TNS2: variants seen among roughly 807,000 people sequenced by gnomAD.
TNS2 encodes the protein tensin-2.
In TNS2, 77 loss-of-function variants were observed where a neutral mutation model predicts 155.7. The observed-to-expected ratio is 0.49, with a 90% CI of 0.41 to 0.60. The LOEUF (loss-of-function observed/expected upper bound fraction) is 0.60, where lower values mean the gene tolerates loss of function less well. Among genes scored for constraint, TNS2 ranks in the 20% least tolerant of loss-of-function variants. TNS2 has a pLI of 0.00. For synonymous variants in TNS2, 726 were observed against 763.9 expected (o/e 0.95, Z 0.82); for missense variants, 1,703 against 1,868.8 (o/e 0.91, Z 1.64).
rs752904754 is a variant in TNS2, at chr12:53,058,499, AGGCAGGTGG to A, written c.1225+55_1225+63del. On this transcript the variant is annotated intron_variant, in intron 15 of 28. Transcript: ENST00000314250. ...GGAGTCCAGGTGGCAGGCAGGTGGC[AGGCAGGTGG>A]CAGGCAGGCAGGAGAGTGTGGTATG... The A allele has an allele frequency of 3.0e-5, 49 of 1,610,948 alleles. No homozygotes were observed. In the South Asian group the frequency reaches 5.4e-4, roughly 18 times the overall value.
chr12:53,061,554 C>G (rs1944386377), intron 21 of TNS2, 85 bp downstream of exon 21: 2 of 1,468,430 alleles, frequency 1.4e-6, no homozygotes, highest in Admixed American at 3.5e-5. Context: ...TGTTGAAGCT[C>G]TTGGCTCCTC....
chr12:53,049,999 C>T (rs1384981785), upstream of TNS2: 9 of 1,399,964 alleles, frequency 6.4e-6, no homozygotes, highest in East Asian at 1.3e-4. Flanking sequence ...CCTGGAGCAG[C>T]GACCTGCCCC....
upstream of TNS2, among the ~76,000 whole-genome samples, chr12:53,047,289 C>T (rs1943755302): frequency 6.9e-6 from 1 of 145,658 alleles, no homozygotes; most frequent in Non-Finnish European, 1.5e-5. Flanking sequence ...TCGGCGCGGG[C>T]ACGGGCGGGA....
chr12:53,062,836 G>A (rs576945959), intron 25 of TNS2, 139 bp downstream of exon 25: 38 of 1,093,952 alleles, frequency 3.5e-5, no homozygotes, highest in Middle Eastern at 2.0e-4. Context: ...CCATACTGTC[G>A]GGGATGAGGA....
In TNS2 at chr12:53,053,459, C is replaced by T; in HGVS notation, c.261+10C>T. 3 of 1,613,924 alleles carry T rather than the reference C, an allele frequency of 1.9e-6. No homozygotes were observed. Among genetic ancestry groups the T allele is most frequent in the Non-Finnish European group, 2.5e-6 (3 of 1,179,914 alleles). On this transcript the variant is annotated intron_variant, in intron 4 of 28. Coordinates refer to ENST00000314250, the MANE Select transcript of TNS2 (RefSeq NM_170754.4). Reference sequence around the variant, plus strand: ...GCCTCCCGTGGAGTTGGTGAGTGCGCTCTGGGATGGGGTGGGGAGGGCAAG... The same window carrying T: ...GCCTCCCGTGGAGTTGGTGAGTGCGTTCTGGGATGGGGTGGGGAGGGCAAG...
chr12:53,059,500 G>A lies in TNS2; in HGVS notation c.1859G>A (p.Arg620Gln), dbSNP rs559767672. The change falls in exon 18 of 29, where the codon CGA (arginine) becomes CAA (glutamine). Residue 620 changes from arginine to glutamine, a missense_variant. Transcript: ENST00000314250. The surrounding 1 kb of genome is among the most constrained non-coding windows in gnomAD (Gnocchi z 4.7). ...YRPEGTLERR[R>Q]LAYGGYEGSP... ...CCAGAGGGAACCCTGGAGAGGAGGC[G>A]ACTGGCCTACGGGGGCTATGAGGGA... 3.1e-5 allele frequency: 48 copies of A among 1,572,036 alleles called. No individual in the cohort carries two copies. The highest frequency in any genetic ancestry group is 2.5e-4 in the East Asian group (11 of 44,424).
Position 53,059,665 on chromosome 12 carries a change from A to T in TNS2, c.2024A>T (p.Glu675Val), listed in dbSNP as rs376734328. 1.2e-6 allele frequency: 2 copies of T among 1,613,270 alleles called. No homozygotes were observed. The highest frequency in any genetic ancestry group is 1.7e-6 in the Non-Finnish European group (2 of 1,179,916). Residue 675 changes from glutamate to valine, a missense_variant, in exon 18 of 29, where the codon GAG becomes GTG. Physicochemically the swap from Glu to Val is moderately radical, Grantham distance 121. Coordinates refer to ENST00000314250, the MANE Select transcript of TNS2 (RefSeq NM_170754.4). This position sits in a 1 kb window ranked among gnomAD's most constrained non-coding sequence, Gnocchi z 4.7. ...DFGYRAPGYR[E>V]VVILEDPGLP... ...GGCTACCGCGCCCCAGGCTACCGGG[A>T]GGTGGTCATCCTGGAGGACCCTGGG...
At position 53,057,787 on chromosome 12, in the gene TNS2, C is replaced by T. The variant is rs957755121; in HGVS notation, c.973C>T (p.Leu325Phe). Residue 325 changes from leucine to phenylalanine, a missense_variant, in exon 13 of 29, where the codon CTT becomes TTT. Leu to Phe is a conservative substitution (Grantham distance 22). Coordinates refer to ENST00000314250, the MANE Select transcript of TNS2 (RefSeq NM_170754.4). ...TGCCCCTCCAGGCTTCCAGCCCTTC[C>T]TTAAAATCTACCAGTCCATGCAGCT... ...FEPGTGFQPF[L>F]KIYQSMQLVY... is the part of the protein sequence containing the mutation. 1.8e-5 allele frequency: 29 copies of T among 1,614,110 alleles called. No individual in the cohort carries two copies. Among genetic ancestry groups the T allele is most frequent in the Non-Finnish European group, 2.5e-5 (29 of 1,180,022 alleles).
intron 22 of TNS2, 69 bp from the exon 23 acceptor site, chr12:53,062,084 G>A (rs1485752610): frequency 1.6e-5 from 25 of 1,611,436 alleles, no homozygotes; most frequent in Non-Finnish European, 2.0e-5. Flanking sequence ...GCTCGGGAAA[G>A]AATCCCATTA....
Position 53,058,148 on chromosome 12 carries a change from G to T in TNS2, c.1095+46G>T, listed in dbSNP as rs186595455. On this transcript the variant is annotated intron_variant, in intron 14 of 28. Coordinates refer to ENST00000314250, the MANE Select transcript of TNS2 (RefSeq NM_170754.4). ...AAGAAGAATCCTGGAGATGGGGCAG[G>T]GGTTGGTGGTGTAACGGCACAGTCA... 482 of 1,613,460 alleles carry T rather than the reference G, an allele frequency of 3.0e-4. 3 individuals carry two copies. The African/African-American group carries it at 5.9e-3, about 20-fold the overall frequency.
chr12:53,057,109 G>C lies in TNS2; in HGVS notation c.845+13G>C, dbSNP rs774920205. ...CCTCCCAGCGTCGGTGAGCAGCCTG[G>C]GTGGGGATGGGCCAGAGGAGCAGCT... On this transcript the variant is annotated intron_variant, in intron 11 of 28. Transcript: ENST00000314250. The C allele has an allele frequency of 1.9e-6, 3 of 1,608,068 alleles. No individual in the cohort carries two copies. The East Asian group carries it at 6.7e-5, about 36-fold the overall frequency.
rs1944396145 is a variant in TNS2 at position 53,061,931 on chromosome 12, C to A, written c.3565C>A (p.Pro1189Thr). Residue 1189 changes from proline to threonine, a missense_variant, in exon 22 of 29, where the codon CCC becomes ACC. Pro to Thr is a conservative substitution (Grantham distance 38). Coordinates refer to ENST00000314250, the MANE Select transcript of TNS2 (RefSeq NM_170754.4). ...KVATPPPSAQ[P>T]WKGDPVEQLV... is the part of the protein sequence containing the mutation. Reference sequence around the variant, plus strand: ...GGCCACACCGCCACCCAGTGCCCAGCCCTGGAAAGGTACAGAACACCCAAA... The same window carrying A: ...GGCCACACCGCCACCCAGTGCCCAGACCTGGAAAGGTACAGAACACCCAAA... 6.2e-7 allele frequency: 1 copy of A among 1,611,798 alleles called. No homozygotes were observed. The highest frequency in any genetic ancestry group is 8.5e-7 in the Non-Finnish European group (1 of 1,179,102).
chr12:53,062,586 T>C (rs966652223), intron 24 of TNS2, 34 bp from the exon 25 acceptor site: 4 of 1,612,588 alleles, frequency 2.5e-6, no homozygotes, highest in Non-Finnish European at 1.7e-6. Flanking sequence ...CACTCTGCCT[T>C]CTGAGCTTCC....
chr12:53,058,733 C>T lies in TNS2; in HGVS notation c.1311C>T (p.Asp437=), dbSNP rs774975288. 2.5e-6 allele frequency: 4 copies of T among 1,614,082 alleles called. No individual in the cohort carries two copies. The South Asian group carries it at 3.3e-5, about 13-fold the overall frequency. The change falls in exon 17 of 29, where the codon GAC becomes GAT. Residue 437 remains aspartate, a synonymous_variant. Coordinates refer to ENST00000314250, the MANE Select transcript of TNS2 (RefSeq NM_170754.4). ...EKIKGSTPRN[D]PSVSVDYNTT... ...CCACAGGCAGCACTCCACGGAACGACCCCTCGGTCTCTGTCGACTACAACA... is the reference window on the plus strand; with the variant it reads ...CCACAGGCAGCACTCCACGGAACGATCCCTCGGTCTCTGTCGACTACAACA...
chr12:53,048,630 C>G (rs1943813525), upstream of TNS2, among the ~76,000 whole-genome samples: 3 of 152,184 alleles, frequency 2.0e-5, no homozygotes, highest in South Asian at 6.2e-4. Context: ...GGCAGGGAGC[C>G]CAGGCCTGCC....
In TNS2 at chr12:53,058,760, C is replaced by A; in HGVS notation, c.1338C>A (p.Thr446=). Residue 446 remains threonine (T), a synonymous_variant, in exon 17 of 29, where the codon ACC becomes ACA. Transcript: ENST00000314250. ...CCTCGGTCTCTGTCGACTACAACAC[C>A]ACTGAGCCAGCCGTGCGCTGGGACT... is the stretch of plus-strand genomic sequence containing the variant. ...NDPSVSVDYN[T]TEPAVRWDSY... 6.2e-7 allele frequency: 1 copy of A among 1,614,014 alleles called. No homozygotes were observed.
At chr12:53,052,018 C>G in intron 2 of TNS2, 55 bp downstream of exon 2, 1 of 1,396,112 alleles carries the variant, frequency 7.2e-7, no homozygotes, top group Non-Finnish European at 1.0e-6. Context: ...CACTGTGTTG[C>G]ACAACTCCAG....
intron 7 of TNS2, 95 bp downstream of exon 7, chr12:53,054,536 C>G (rs11170386): frequency 3.1e-6 from 4 of 1,290,850 alleles, no homozygotes; most frequent in Admixed American, 3.4e-5. Flanking sequence ...GAGGCGAGGC[C>G]GCCAGGGGGC....
At chr12:53,058,151 TTGG>T in intron 14 of TNS2, 49 bp downstream of exon 14, 1 of 1,612,600 alleles carries the variant, frequency 6.2e-7, no homozygotes, top group South Asian at 1.1e-5. Flanking sequence ...GGGGCAGGGG[TTGG>T]TGGTGTAACG....
Sources: allele counts gnomAD v4.1 joint callset (sites outside exome capture counted in the v4.1 genomes callset), GRCh38; gene constraint gnomAD v4.1.1; non-coding constraint Gnocchi (gnomAD v3.1); transcripts MANE v1.5; gene names NCBI Gene and HGNC (gene_info 2026-07-23, HGNC 2026-07-21).